LYPD6: variants seen among roughly 807,000 people sequenced by gnomAD.
LYPD6 encodes the protein ly6/PLAUR domain-containing protein 6.
LYPD6 carries 15 observed loss-of-function variants against 22.7 expected under a neutral mutation model. The observed-to-expected ratio is 0.66, with a 90% CI of 0.44 to 1.02. The LOEUF (loss-of-function observed/expected upper bound fraction) is 1.02, where lower values mean the gene tolerates loss of function less well. Ranked by LOEUF, LYPD6 falls within the 50% of genes least tolerant of loss-of-function variation. The probability of loss-of-function intolerance (pLI) is 0.00; values close to 1 mark genes in which losing one functional copy is unlikely to be tolerated. For synonymous variants in LYPD6, 72 were observed against 77.5 expected (o/e 0.93, Z 0.37); for missense variants, 189 against 208.4 (o/e 0.91, Z 0.57).
At chr2:149,347,370 A>G (rs1681277343) in intron 1 of LYPD6, among the ~76,000 whole-genome samples, 1 of 152,140 alleles carries the variant, frequency 6.6e-6, no homozygotes, top group Admixed American at 6.5e-5. Flanking sequence ...CATTCATTTT[A>G]TGGTACGTAT....
chr2:149,445,237 G>T (rs1355670142), intron 2 of LYPD6, among the ~76,000 whole-genome samples: 1 of 152,192 alleles, frequency 6.6e-6, no homozygotes, highest in Non-Finnish European at 1.5e-5. Context: ...GTAAATAAAT[G>T]TGCTGTCATC....
At chr2:149,370,025 G>T (rs1681771769) in intron 1 of LYPD6, among the ~76,000 whole-genome samples, 1 of 152,128 alleles carries the variant, frequency 6.6e-6, no homozygotes, top group African/African-American at 2.4e-5. Flanking sequence ...TCTCACCAAG[G>T]CTGGCAGGAA....
intron 1 of LYPD6, chr2:149,367,917 C>T (rs1278451283): frequency 6.6e-6 from 1 of 152,178 alleles, no homozygotes; most frequent in Admixed American, 6.5e-5. Context: ...CTTTTTATCT[C>T]ATTAATTCCT....
intron 3 of LYPD6, among the ~76,000 whole-genome samples, chr2:149,467,295 A>AG (rs1681222010): frequency 6.6e-6 from 1 of 152,172 alleles, no homozygotes; most frequent in Admixed American, 6.5e-5. Context: ...GACAGCATTT[A>AG]GGGGAGGGTG....
At chr2:149,412,269 G>T (rs1054914988) in intron 1 of LYPD6, among the ~76,000 whole-genome samples, 10 of 152,040 alleles carry the variant, frequency 6.6e-5, no homozygotes, top group Admixed American at 5.2e-4. Flanking sequence ...AATTTTATGG[G>T]TGTAGAAATC....
chr2:149,382,092 A>G (rs1682078596), intron 1 of LYPD6, among the ~76,000 whole-genome samples: 1 of 152,204 alleles, frequency 6.6e-6, no homozygotes, highest in Non-Finnish European at 1.5e-5. Flanking sequence ...TAATGGGGAC[A>G]AAGTCCTTGC....
At chr2:149,355,600 A>C (rs1207158646) in intron 1 of LYPD6, among the ~76,000 whole-genome samples, 2 of 152,170 alleles carry the variant, frequency 1.3e-5, no homozygotes, top group Non-Finnish European at 2.9e-5. Flanking sequence ...ACATATATCC[A>C]CATATATGAG....
intron 1 of LYPD6, among the ~76,000 whole-genome samples, chr2:149,342,379 A>G (rs1424082123): frequency 6.6e-6 from 1 of 152,182 alleles, no homozygotes; most frequent in African/African-American, 2.4e-5. Context: ...ATCATTCCCC[A>G]TTTTATCACA....
At chr2:149,429,686 C>T (rs759400123) in intron 1 of LYPD6, among the ~76,000 whole-genome samples, 2 of 152,130 alleles carry the variant, frequency 1.3e-5, no homozygotes, top group Non-Finnish European at 2.9e-5. Context: ...TTCTGTGGGT[C>T]GGGAATGTAA....
rs114233694 is a variant in LYPD6 at position 149,436,964 on chromosome 2, T to C, written c.-71-674T>C. ...TAACTGTGCAGACTCCAAAGCCACATTGCCTGGGTTAGAGTCAGATCTGCT... is the reference window on the plus strand; with the variant it reads ...TAACTGTGCAGACTCCAAAGCCACACTGCCTGGGTTAGAGTCAGATCTGCT... On this transcript the variant is annotated intron_variant, in intron 1 of 4. Transcript: ENST00000334166. Among the ~76,000 whole-genome samples, 220 of 152,334 alleles carry C rather than the reference T, an allele frequency of 1.4e-3. 1 individual carries two copies. Among genetic ancestry groups the C allele is most frequent in the African/African-American group, 5.1e-3 (210 of 41,576 alleles).
intron 1 of LYPD6, among the ~76,000 whole-genome samples, chr2:149,364,845 G>A (rs1290727744): frequency 6.6e-6 from 1 of 152,102 alleles, no homozygotes; most frequent in Non-Finnish European, 1.5e-5. Flanking sequence ...CTTTGTCATT[G>A]TTCACTTACT....
At chr2:149,437,906 T>C in intron 2 of LYPD6, 80 bp downstream of exon 2, 2 of 1,501,578 alleles carry the variant, frequency 1.3e-6, no homozygotes, top group Non-Finnish European at 1.8e-6. Flanking sequence ...GGAAAAGGCA[T>C]CCTTCAGTAT....
At chr2:149,379,564 C>G (rs958408766) in intron 1 of LYPD6, among the ~76,000 whole-genome samples, 1 of 152,142 alleles carries the variant, frequency 6.6e-6, no homozygotes, top group African/African-American at 2.4e-5. Context: ...TTCTCATGAT[C>G]GTGATTGAAC....
intron 3 of LYPD6, among the ~76,000 whole-genome samples, chr2:149,454,323 A>G (rs149846584): frequency 6.6e-6 from 1 of 152,308 alleles, no homozygotes; most frequent in Non-Finnish European, 1.5e-5. Context: ...CCCCAAAGGT[A>G]ACAATGTTGA....
intron 1 of LYPD6, among the ~76,000 whole-genome samples, chr2:149,400,150 C>T (rs188908926): frequency 8.5e-4 from 129 of 152,322 alleles, no homozygotes; most frequent in Admixed American, 2.2e-3. Flanking sequence ...CCTGTGAGAA[C>T]AGCTAGTGAG....
intron 1 of LYPD6, among the ~76,000 whole-genome samples, chr2:149,384,609 C>T (rs533724005): frequency 6.6e-6 from 1 of 152,344 alleles, no homozygotes; most frequent in South Asian, 2.1e-4. Context: ...AACAGTACCA[C>T]AGAGGTAATA....
intron 1 of LYPD6, among the ~76,000 whole-genome samples, chr2:149,351,463 T>A (rs868851643): frequency 3.3e-5 from 5 of 151,030 alleles, no homozygotes; most frequent in African/African-American, 1.2e-4. Flanking sequence ...CTGAGAATTA[T>A]CCTGGGCCGT....
chr2:149,426,341 C>G (rs1158738815), intron 1 of LYPD6, among the ~76,000 whole-genome samples: 1 of 152,190 alleles, frequency 6.6e-6, no homozygotes, highest in Non-Finnish European at 1.5e-5. Context: ...AAACCCTACT[C>G]CATGCCAGGT....
chr2:149,408,660 A>G (rs951652107), intron 1 of LYPD6, among the ~76,000 whole-genome samples: 1 of 152,154 alleles, frequency 6.6e-6, no homozygotes, highest in South Asian at 2.1e-4. Context: ...CTTGTCTTCA[A>G]GCTCTGAAGT....
Sources: allele counts gnomAD v4.1 joint callset (sites outside exome capture counted in the v4.1 genomes callset), GRCh38; gene constraint gnomAD v4.1.1; transcripts MANE v1.5; gene names NCBI Gene and HGNC (gene_info 2026-07-23, HGNC 2026-07-21).